The following ADAMTSL1 variants were observed in gnomAD, a reference collection of about 807,000 sequenced individuals.
ADAMTSL1 encodes ADAMTS like 1, also known as ADAMTS-like protein 1.
ADAMTSL1 carries 126 observed loss-of-function variants against 201.8 expected under a neutral mutation model. The observed-to-expected ratio is 0.62, with a 90% confidence interval of 0.54 to 0.72. The LOEUF is 0.72. ADAMTSL1 is among the 30% of genes least tolerant of loss of function. The pLI, the probability that ADAMTSL1 is intolerant of heterozygous loss-of-function variation, is 0.00. For synonymous variants in ADAMTSL1, 1,121 were observed against 903.4 expected, an observed-to-expected ratio of 1.24 and a Z score of -4.32; for missense variants, 2,679 against 2,277.8, an observed-to-expected ratio of 1.18 and a Z score of -3.59.
At chr9:18,390,343 G>A (rs544433943) in intron 2 of ADAMTSL1, among the ~76,000 whole-genome samples, 15 of 152,268 alleles carry the variant, frequency 9.9e-5, no homozygotes, top group East Asian at 7.7e-4. Context: ...CAACTAGCAC[G>A]GTAACTTCTG....
At chr9:18,512,613 A>G (rs1316293572) in intron 2 of ADAMTSL1, among the ~76,000 whole-genome samples, 2 of 152,174 alleles carry the variant, frequency 1.3e-5, no homozygotes, top group Non-Finnish European at 2.9e-5. Flanking sequence ...TCAAGAATTT[A>G]CCAAATTATT....
intron 2 of ADAMTSL1, among the ~76,000 whole-genome samples, chr9:18,414,769 G>C (rs1440588515): frequency 6.6e-6 from 1 of 152,154 alleles, no homozygotes; most frequent in Admixed American, 6.5e-5. Flanking sequence ...AAAACCTGCA[G>C]AGAATCACCT....
intron 1 of ADAMTSL1, among the ~76,000 whole-genome samples, chr9:18,041,041 G>C (rs1443955397): frequency 1.3e-5 from 2 of 152,214 alleles, no homozygotes; most frequent in East Asian, 3.9e-4. Flanking sequence ...ATCCACTAGG[G>C]GGGCAATAGT....
intron 4 of ADAMTSL1, among the ~76,000 whole-genome samples, chr9:18,599,996 C>CAAAAAAAAAAAAAAAAA (rs57914274): frequency 1.2e-5 from 1 of 86,952 alleles, no homozygotes; most frequent in Non-Finnish European, 2.1e-5. Flanking sequence ...ACTAAAAATA[C>CAAAAAAAAAAAAAAAAA]AAAAAAAAAA....
At chr9:18,524,672 G>A (rs944768189) in intron 2 of ADAMTSL1, among the ~76,000 whole-genome samples, 1 of 152,084 alleles carries the variant, frequency 6.6e-6, no homozygotes, top group Non-Finnish European at 1.5e-5. Flanking sequence ...TTTTATTGAA[G>A]GCCTTTTCTG....
chr9:18,238,749 T>A (rs1830946890), intron 2 of ADAMTSL1, among the ~76,000 whole-genome samples: 1 of 152,236 alleles, frequency 6.6e-6, no homozygotes, highest in Non-Finnish European at 1.5e-5. Context: ...CAAAGTGATG[T>A]TATGATTTAT....
chr9:18,314,469 G>A (rs1056045056), intron 2 of ADAMTSL1, among the ~76,000 whole-genome samples: 2 of 151,944 alleles, frequency 1.3e-5, no homozygotes, highest in Admixed American at 6.5e-5. Flanking sequence ...GCATACTTTC[G>A]CGGTGAGTGT....
intron 7 of ADAMTSL1, among the ~76,000 whole-genome samples, chr9:18,650,057 C>T (rs190578326): frequency 4.3e-4 from 66 of 152,334 alleles, no homozygotes; most frequent in Non-Finnish European, 7.3e-4. Flanking sequence ...GTTCGAGCTT[C>T]CAGGCTGCTT....
At chr9:18,873,103 G>A (rs1470958809) in intron 23 of ADAMTSL1, among the ~76,000 whole-genome samples, 1 of 152,024 alleles carries the variant, frequency 6.6e-6, no homozygotes, top group Non-Finnish European at 1.5e-5. Context: ...AAAGTTTGTT[G>A]GCCATTTGTG....
intron 14 of ADAMTSL1, among the ~76,000 whole-genome samples, chr9:18,714,936 G>C (rs1024070966): frequency 6.8e-6 from 1 of 147,560 alleles, no homozygotes; most frequent in African/African-American, 2.5e-5. Context: ...ATGCAAGGCT[G>C]GTTCAATATA....
chr9:18,572,937 G>T (rs935526275), intron 3 of ADAMTSL1, among the ~76,000 whole-genome samples: 1 of 152,136 alleles, frequency 6.6e-6, no homozygotes, highest in Non-Finnish European at 1.5e-5. Flanking sequence ...TAATCTGAAG[G>T]CTTGTAGAAT....
intron 23 of ADAMTSL1, among the ~76,000 whole-genome samples, chr9:18,841,673 G>C (rs10811048): frequency 0.89 from 136,118 of 152,216 alleles, 61,085 homozygotes; most frequent in African/African-American, 0.96. Flanking sequence ...ATCCTGGACT[G>C]TTTTTGGTTG....
intron 2 of ADAMTSL1, among the ~76,000 whole-genome samples, chr9:18,413,384 C>G (rs550318610): frequency 8.1e-4 from 123 of 152,134 alleles, no homozygotes; most frequent in African/African-American, 2.9e-3. Context: ...AGGCTGGTCT[C>G]AAACTCCTGA....
At chr9:18,839,268 G>A (rs1196780610) in intron 23 of ADAMTSL1, among the ~76,000 whole-genome samples, 1 of 143,812 alleles carries the variant, frequency 7.0e-6, no homozygotes, top group East Asian at 2.1e-4. Context: ...CCACCTATGA[G>A]TGAGAACATG....
chr9:18,084,702 T>TCCCTCCCA (rs1311933947), intron 1 of ADAMTSL1, among the ~76,000 whole-genome samples: 1 of 68,472 alleles, frequency 1.5e-5, no homozygotes, highest in Non-Finnish European at 3.0e-5. Context: ...CCTCTCTCCC[T>TCCCTCCCA]CCCTCCCACC....
chr9:18,109,903 A>G (rs1170354186), intron 1 of ADAMTSL1, among the ~76,000 whole-genome samples: 1 of 152,130 alleles, frequency 6.6e-6, no homozygotes, highest in African/African-American at 2.4e-5. Context: ...GACTGATACC[A>G]TATGTTCTTT....
At chr9:18,291,088 G>T (rs1264086938) in intron 2 of ADAMTSL1, among the ~76,000 whole-genome samples, 1 of 152,128 alleles carries the variant, frequency 6.6e-6, no homozygotes, top group Non-Finnish European at 1.5e-5. Flanking sequence ...GGCCACTAAA[G>T]CTGACTTATG....
intron 4 of ADAMTSL1, among the ~76,000 whole-genome samples, chr9:18,578,986 T>A (rs1822914694): frequency 6.6e-6 from 1 of 151,760 alleles, no homozygotes. Context: ...CCAGTGATGA[T>A]GAGCATTTTT....
intron 2 of ADAMTSL1, among the ~76,000 whole-genome samples, chr9:18,241,358 T>C (rs1429931383): frequency 6.6e-6 from 1 of 152,190 alleles, no homozygotes; most frequent in Non-Finnish European, 1.5e-5. Flanking sequence ...CCTTTCTGGC[T>C]TCTCTTAATT....
Sources: gnomAD v4.1 joint callset for allele counts (sites outside exome capture counted in the v4.1 genomes callset) on GRCh38, gnomAD v4.1.1 for gene constraint, MANE v1.5 for transcripts, NCBI Gene and HGNC (gene_info 2026-07-23, HGNC 2026-07-21) for gene names.